The following EPB41L2 variants were observed in gnomAD, a reference collection of about 807,000 sequenced individuals.
EPB41L2 encodes the protein band 4.1-like protein 2.
Under a neutral mutation model 113.0 loss-of-function variants are expected in EPB41L2, and 43 were observed. The ratio of observed to expected loss-of-function variants is 0.38; its 90% CI spans 0.30 to 0.49. The LOEUF (loss-of-function observed/expected upper bound fraction) is 0.49. Ranked by LOEUF, EPB41L2 falls within the 20% of genes least tolerant of loss-of-function variation. The pLI, the probability that EPB41L2 is intolerant of heterozygous loss-of-function variation, is 0.95. For missense variants in EPB41L2, 1,147 were observed against 1,223.4 expected (o/e 0.94, Z 0.93); for synonymous variants, 442 against 436.7 (o/e 1.01, Z -0.15).
chr6:130,890,309 T>C lies in EPB41L2; in HGVS notation c.1645A>G (p.Arg549Gly), dbSNP rs767521613. 5.6e-6 allele frequency: 9 copies of C among 1,611,228 alleles called. No homozygotes were observed. Among genetic ancestry groups the C allele is most frequent in the Non-Finnish European group, 7.6e-6 (9 of 1,178,992 alleles). ...ATGTGTTTACCTCCATCTAGACTCC[T>C]GGAGACCCGTTTACTAGAAGTGCGC... ...FERTSSKRVS[R>G]SLDGAPIGVM... Residue 549 changes from arginine to glycine, a missense_variant, in exon 11 of 20, where the codon AGG (arginine) becomes GGG (glycine). By Grantham distance (125) the Arg-to-Gly change is moderately radical. Coordinates refer to ENST00000337057, the MANE Select transcript of EPB41L2 (RefSeq NM_001431.4).
chr6:130,852,958 G>A (rs1779191004), intron 19 of EPB41L2, among the ~76,000 whole-genome samples: 1 of 152,158 alleles, frequency 6.6e-6, no homozygotes, highest in Non-Finnish European at 1.5e-5. Flanking sequence ...AAACATCTCT[G>A]ATGCTCTATT....
intron 1 of EPB41L2, among the ~76,000 whole-genome samples, chr6:131,002,233 C>G (rs984166777): frequency 6.6e-6 from 1 of 152,162 alleles, no homozygotes; most frequent in Non-Finnish European, 1.5e-5. Context: ...GAGAAGAGAC[C>G]TTGTCCTCAA....
At chr6:130,967,182 G>A (rs1775461557) in intron 1 of EPB41L2, among the ~76,000 whole-genome samples, 1 of 152,044 alleles carries the variant, frequency 6.6e-6, no homozygotes, top group Admixed American at 6.6e-5. Flanking sequence ...CGAACCTGTG[G>A]ACAGGAAAAG....
chr6:130,964,043 C>T (rs960042017), intron 1 of EPB41L2, among the ~76,000 whole-genome samples: 3 of 150,244 alleles, frequency 2.0e-5, no homozygotes, highest in African/African-American at 4.9e-5. Context: ...TTTTTTCACA[C>T]GAAGTCTCCC....
intron 1 of EPB41L2, among the ~76,000 whole-genome samples, chr6:130,979,128 C>T (rs1304064647): frequency 2.0e-5 from 3 of 152,100 alleles, no homozygotes; most frequent in Non-Finnish European, 4.4e-5. Flanking sequence ...TAAGAAAATG[C>T]TATTAACTTT....
At chr6:130,986,562 A>C (rs947017782) in intron 1 of EPB41L2, among the ~76,000 whole-genome samples, 4 of 151,946 alleles carry the variant, frequency 2.6e-5, no homozygotes, top group Non-Finnish European at 5.9e-5. Flanking sequence ...AGGAAGTGAC[A>C]ACTTAAGAGG....
intron 1 of EPB41L2, among the ~76,000 whole-genome samples, chr6:131,013,385 T>C (rs1023780007): frequency 2.0e-5 from 3 of 151,222 alleles, no homozygotes; most frequent in Non-Finnish European, 4.4e-5. Context: ...TAAATGCTAC[T>C]TTTTTTTTAA....
At chr6:130,902,579 T>G (rs1173008168) in intron 6 of EPB41L2, among the ~76,000 whole-genome samples, 1 of 152,238 alleles carries the variant, frequency 6.6e-6, no homozygotes, top group Non-Finnish European at 1.5e-5. Context: ...TAGAAAAACA[T>G]AAGCATTAAC....
At chr6:130,936,023 T>C (rs998004653) in intron 3 of EPB41L2, among the ~76,000 whole-genome samples, 1 of 152,200 alleles carries the variant, frequency 6.6e-6, no homozygotes, top group African/African-American at 2.4e-5. Flanking sequence ...ACAAATTTTA[T>C]ACAAAAAAAG....
At chr6:130,884,189 C>T (rs1342063654) in intron 12 of EPB41L2, among the ~76,000 whole-genome samples, 6 of 151,784 alleles carry the variant, frequency 4.0e-5, no homozygotes, top group Admixed American at 2.0e-4. Context: ...CAAAATTAGC[C>T]GGGCACGTGG....
intron 1 of EPB41L2, among the ~76,000 whole-genome samples, chr6:130,994,459 G>C (rs1471753661): frequency 6.6e-6 from 1 of 152,144 alleles, no homozygotes; most frequent in Non-Finnish European, 1.5e-5. Context: ...TGACACATAG[G>C]CTAGATAGAA....
At chr6:131,016,272 A>T (rs995491927) in intron 1 of EPB41L2, among the ~76,000 whole-genome samples, 2 of 152,206 alleles carry the variant, frequency 1.3e-5, no homozygotes, top group Non-Finnish European at 2.9e-5. Flanking sequence ...TTTTTAAATG[A>T]TCTTTCCAGT....
At chr6:130,933,849 C>A (rs1468174096) in intron 3 of EPB41L2, among the ~76,000 whole-genome samples, 2 of 152,222 alleles carry the variant, frequency 1.3e-5, no homozygotes, top group Non-Finnish European at 2.9e-5. Flanking sequence ...AACTGCTTAC[C>A]CGGCAGATTG....
chr6:131,033,326 C>A (rs1195819803), intron 1 of EPB41L2, among the ~76,000 whole-genome samples: 1 of 152,148 alleles, frequency 6.6e-6, no homozygotes, highest in African/African-American at 2.4e-5. Context: ...GGAAATAAAA[C>A]CCTTATGAGT....
chr6:130,963,816 C>T (rs1000320233), intron 1 of EPB41L2, among the ~76,000 whole-genome samples: 1 of 152,074 alleles, frequency 6.6e-6, no homozygotes, highest in Non-Finnish European at 1.5e-5. Context: ...GCATATAAAC[C>T]TTGTAATACT....
At chr6:130,888,015 G>A (rs1477951433) in intron 11 of EPB41L2, among the ~76,000 whole-genome samples, 3 of 152,130 alleles carry the variant, frequency 2.0e-5, no homozygotes, top group Admixed American at 1.3e-4. Flanking sequence ...GTAATCATAA[G>A]AGGATTTATT....
chr6:130,953,181 A>G (rs765994560), intron 3 of EPB41L2, among the ~76,000 whole-genome samples: 4 of 151,962 alleles, frequency 2.6e-5, no homozygotes, highest in Non-Finnish European at 5.9e-5. Flanking sequence ...GACAAGGGAC[A>G]TGCAATCAAA....
chr6:131,014,080 A>C (rs1787659617), intron 1 of EPB41L2: 1 of 148,292 alleles, frequency 6.7e-6, no homozygotes, highest in Non-Finnish European at 1.5e-5. Context: ...AAAAAAAAAA[A>C]CTCAGGCAGC....
At position 130,955,199 on chromosome 6, in the gene EPB41L2, G is replaced by A. The variant is rs141252731; in HGVS notation, c.611C>T (p.Ala204Val). The A allele has an allele frequency of 1.2e-4, 186 of 1,614,118 alleles. No individual in the cohort carries two copies. The African/African-American group carries it at 2.1e-3, about 19-fold the overall frequency. The change falls in exon 3 of 20, where the codon GCA becomes GTA. Residue 204 changes from alanine to valine, a missense_variant. Coordinates refer to ENST00000337057, the MANE Select transcript of EPB41L2 (RefSeq NM_001431.4). ...TKEVQTNELK[A>V]EKASQKVTKK... ...GGTGACTTTTTGAGATGCCTTCTCT[G>A]CTTTCAGCTCATTGGTCTGCACTTC...
Sources: allele counts gnomAD v4.1 joint callset (sites outside exome capture counted in the v4.1 genomes callset), GRCh38; gene constraint gnomAD v4.1.1; transcripts MANE v1.5; gene names NCBI Gene and HGNC (gene_info 2026-07-23, HGNC 2026-07-21).